The following ARIH2 variants were observed in gnomAD, a reference collection of about 807,000 sequenced individuals.
The protein encoded by ARIH2 is ariadne RBR E3 ubiquitin protein ligase 2, also known as E3 ubiquitin-protein ligase ARIH2.
In ARIH2, 12 loss-of-function variants were observed where a neutral mutation model predicts 79.8. That is an observed-to-expected ratio of 0.15 (90% CI 0.10 to 0.24). The LOEUF (loss-of-function observed/expected upper bound fraction) is 0.24, where lower values mean the gene tolerates loss of function less well. Among genes scored for constraint, ARIH2 ranks in the 10% least tolerant of loss-of-function variants. ARIH2 has a pLI of 1.00. For synonymous variants in ARIH2, 224 were observed against 213.9 expected (o/e 1.05, Z -0.41); for missense variants, 301 against 618.3 (o/e 0.49, Z 5.44).
At position 48,980,719 on chromosome 3, in the gene ARIH2, C is replaced by T. The variant is rs150607491; in HGVS notation, c.1257+223C>T. Among the ~76,000 whole-genome samples, 448 of 152,044 alleles carry T rather than the reference C, an allele frequency of 2.9e-3. 4 individuals are homozygous for T. Among genetic ancestry groups the T allele is most frequent in the African/African-American group, 0.01 (426 of 41,460 alleles). On this transcript the variant is annotated intron_variant, in intron 13 of 15. Coordinates refer to ENST00000356401, the MANE Select transcript of ARIH2 (RefSeq NM_006321.4). ...TATAAGAGTGTTGCACTGCCTCTGC[C>T]TGCAGGGAAAACTAGAGCACTTTTC...
At chr3:48,937,860 A>G (rs1406284064) in intron 3 of ARIH2, among the ~76,000 whole-genome samples, 2 of 152,168 alleles carry the variant, frequency 1.3e-5, no homozygotes, top group East Asian at 3.9e-4. Context: ...ATCCTGGCCA[A>G]CACAATGAAA....
chr3:48,945,286 C>A, intron 3 of ARIH2: 1 of 1,064,218 alleles, frequency 9.4e-7, no homozygotes, highest in Non-Finnish European at 1.3e-6. Flanking sequence ...TCCTTGAGGG[C>A]TGGAGAGCTT....
chr3:48,937,279 T>C (rs1278243396), intron 3 of ARIH2, among the ~76,000 whole-genome samples: 1 of 152,210 alleles, frequency 6.6e-6, no homozygotes, highest in Non-Finnish European at 1.5e-5. Context: ...GTAGATAACC[T>C]TGCCTCTTTT....
chr3:48,928,207 G>A (rs764429669), intron 3 of ARIH2, among the ~76,000 whole-genome samples: 3 of 152,194 alleles, frequency 2.0e-5, no homozygotes, highest in Non-Finnish European at 4.4e-5. Context: ...AATGTCTTGA[G>A]AGTATACAGA....
In ARIH2 at chr3:48,984,518, C is replaced by G. The variant is rs1221820400; in HGVS notation, c.*1248C>G. On this transcript the variant is annotated 3_prime_UTR_variant, in exon 16 of 16. Coordinates refer to ENST00000356401, the MANE Select transcript of ARIH2 (RefSeq NM_006321.4). ...ACTAAGGAGGGTCTGGCCAGAGGAA[C>G]AGACCAGCTTTTGCACAATGAAGCG... The G allele has an allele frequency of 6.6e-6, 1 of 152,354 alleles. No homozygotes were observed. The highest frequency in any genetic ancestry group is 2.4e-5 in the African/African-American group (1 of 41,440). 9.4% of individuals were successfully genotyped at this position (152,354 alleles called of 1,614,324 possible).
chr3:48,979,821 G>A (rs967695098), intron 12 of ARIH2, 188 bp downstream of exon 12: 2 of 565,526 alleles, frequency 3.5e-6, no homozygotes, highest in African/African-American at 3.8e-5. Flanking sequence ...TATATCCCCA[G>A]CCAACAGGGA....
intron 3 of ARIH2, among the ~76,000 whole-genome samples, chr3:48,954,393 C>T (rs2090345437): frequency 2.0e-5 from 3 of 151,736 alleles, no homozygotes; most frequent in African/African-American, 7.3e-5. Flanking sequence ...GCCAGGATCG[C>T]ACTACTGCAC....
chr3:48,941,073 G>A (rs2088121533), intron 3 of ARIH2, among the ~76,000 whole-genome samples: 1 of 151,200 alleles, frequency 6.6e-6, no homozygotes, highest in Non-Finnish European at 1.5e-5. Context: ...TCGGGAGGCT[G>A]AAGCAGGAGA....
At chr3:48,949,923 A>G (rs778402762) in intron 3 of ARIH2, among the ~76,000 whole-genome samples, 20 of 151,332 alleles carry the variant, frequency 1.3e-4, no homozygotes, top group Non-Finnish European at 2.8e-4. Flanking sequence ...GATGAAGTCC[A>G]GTTTATCTTT....
intron 4 of ARIH2, 100 bp from the exon 5 acceptor site, chr3:48,964,819 G>T: frequency 1.1e-6 from 1 of 914,470 alleles, no homozygotes; most frequent in East Asian, 2.6e-5. Flanking sequence ...AGAAAGTAGA[G>T]ACAAAGATGC....
intron 9 of ARIH2, 65 bp downstream of exon 9, chr3:48,973,881 G>A: frequency 7.9e-7 from 1 of 1,270,132 alleles, no homozygotes; most frequent in Non-Finnish European, 1.1e-6. Context: ...CCTTGCCTTG[G>A]AGATTTGCCA....
chr3:48,979,666 G>A, intron 12 of ARIH2, 33 bp downstream of exon 12: 1 of 1,609,472 alleles, frequency 6.2e-7, no homozygotes, highest in Non-Finnish European at 8.5e-7. Context: ...TCCCCTACAG[G>A]GTAGGCTTCT....
At chr3:48,936,105 A>G (rs966019861) in intron 3 of ARIH2, among the ~76,000 whole-genome samples, 1 of 152,118 alleles carries the variant, frequency 6.6e-6, no homozygotes, top group South Asian at 2.1e-4. Context: ...TCTTATGCCT[A>G]TGTTAATAGC....
intron 3 of ARIH2, among the ~76,000 whole-genome samples, chr3:48,952,701 C>T (rs2090113115): frequency 6.6e-6 from 1 of 151,992 alleles, no homozygotes; most frequent in Non-Finnish European, 1.5e-5. Flanking sequence ...GAATGTGGTG[C>T]CCCCCACTGG....
intron 3 of ARIH2, among the ~76,000 whole-genome samples, chr3:48,937,274 T>C (rs182304817): frequency 2.4e-4 from 36 of 152,350 alleles, no homozygotes; most frequent in African/African-American, 7.9e-4. Flanking sequence ...AGTCTGTAGA[T>C]AACCTTGCCT....
rs904495791 is a variant in ARIH2 at position 48,919,149 on chromosome 3, T to A, written c.-162+151T>A. 13 of 1,301,874 alleles carry A rather than the reference T, an allele frequency of 1.0e-5. No homozygotes were observed. The African/African-American group carries it at 1.7e-4, about 17-fold the overall frequency. The allele number at this position is 1,301,874 out of a possible 1,614,324, so 80.6% of individuals were successfully genotyped here. A position where few individuals can be genotyped will look rare whatever the true frequency, so the allele number is the denominator to read the frequency against. On this transcript the variant is annotated intron_variant, in intron 1 of 15. Coordinates refer to ENST00000356401, the MANE Select transcript of ARIH2 (RefSeq NM_006321.4). The stretch of plus-strand genomic sequence containing the variant: ...CCGTCGCCGGCACGTTGTCCGAGCA[T>A]TACCCGCCGTCAGCGGCCGGGCGCC...
intron 1 of ARIH2, among the ~76,000 whole-genome samples, chr3:48,919,674 TTTAC>T (rs764568348): frequency 3.3e-5 from 5 of 152,236 alleles, no homozygotes; most frequent in Non-Finnish European, 5.9e-5. Flanking sequence ...AATTTTAAAT[TTTAC>T]TTACTTTTTA....
intron 4 of ARIH2, 131 bp downstream of exon 4, chr3:48,961,810 A>G (rs984476867): frequency 1.0e-5 from 6 of 597,450 alleles, no homozygotes; most frequent in Middle Eastern, 2.8e-4. Flanking sequence ...ATTGGATTCT[A>G]TTTTACATCC....
At chr3:48,923,003 C>T (rs979629416) in intron 2 of ARIH2, among the ~76,000 whole-genome samples, 192 bp downstream of exon 2, 3 of 151,948 alleles carry the variant, frequency 2.0e-5, no homozygotes, top group Admixed American at 6.6e-5. Flanking sequence ...GTCAGGAGAT[C>T]GAGACCATCC....
Sources: gnomAD v4.1 joint callset for allele counts (sites outside exome capture counted in the v4.1 genomes callset) on GRCh38, gnomAD v4.1.1 for gene constraint, MANE v1.5 for transcripts, NCBI Gene and HGNC (gene_info 2026-07-23, HGNC 2026-07-21) for gene names.